The following BRWD1 variants were observed in gnomAD, a reference collection of about 807,000 sequenced individuals.
BRWD1 encodes the protein bromodomain and WD repeat domain containing 1.
A neutral mutation model predicts 251.2 loss-of-function variants in BRWD1; 82 were observed. That is an observed-to-expected ratio of 0.33 (90% CI 0.27 to 0.39). The LOEUF is 0.39. Ranked by LOEUF, BRWD1 falls within the 10% of genes least tolerant of loss-of-function variation. The pLI, the probability that BRWD1 is intolerant of heterozygous loss-of-function variation, is 1.00. For missense variants in BRWD1, 2,233 were observed against 2,711.6 expected (o/e 0.82, Z 3.92); for synonymous variants, 918 against 902.8 (o/e 1.02, Z -0.30).
At position 39,262,559 on chromosome 21, in the gene BRWD1, A is replaced by G. The variant is rs575434530; in HGVS notation, c.1885+1901T>C. On this transcript the variant is annotated intron_variant, in intron 17 of 40. Transcript: ENST00000342449. ...GTGAAACCCCATCTCTCCTAAAAAT[A>G]CAAAAATTAGCTGGGTGTGGTGGCA... 2.6e-5 allele frequency among the ~76,000 whole-genome samples: 4 copies of G among 152,280 alleles called. No homozygotes were observed. In the South Asian group the frequency reaches 8.3e-4, roughly 32 times the overall value.
intron 10 of BRWD1, 151 bp from the exon 11 acceptor site, chr21:39,277,502 G>T: frequency 2.0e-6 from 1 of 490,588 alleles, no homozygotes; most frequent in Non-Finnish European, 3.4e-6. Context: ...CTATATAGAG[G>T]TTATAAAGCT....
chr21:39,200,458 C>A, intron 38 of BRWD1, 72 bp from the exon 39 acceptor site: 1 of 1,297,552 alleles, frequency 7.7e-7, no homozygotes, highest in East Asian at 2.4e-5. Flanking sequence ...CAGTTCATAA[C>A]ATTACTCTGA....
chr21:39,190,564 A>G lies in BRWD1; in HGVS notation c.*5695T>C. On this transcript the variant is annotated 3_prime_UTR_variant, in exon 41 of 41. Transcript: ENST00000342449. ...CCCTCAAGCAAGCCTTTTATCAGAA[A>G]AGACTTGAGATATTCTCTCCTCTGT... is the stretch of plus-strand genomic sequence containing the variant. 1.0e-6 allele frequency: 1 copy of G among 985,406 alleles called. No individual in the cohort carries two copies. Among genetic ancestry groups the G allele is most frequent in the Non-Finnish European group, 1.2e-6 (1 of 829,928 alleles). The allele number at this position is 985,406 out of a possible 1,614,324, so 61.0% of individuals were successfully genotyped here.
intron 21 of BRWD1, among the ~76,000 whole-genome samples, chr21:39,245,829 A>T (rs1474408175): frequency 5.3e-5 from 8 of 152,026 alleles, no homozygotes; most frequent in Non-Finnish European, 7.4e-5. Flanking sequence ...TGAAGTCCTG[A>T]CCTCAGGAGT....
In BRWD1 at chr21:39,190,597, T is replaced by A. The variant is rs771310398; in HGVS notation, c.*5662A>T. 1.2e-4 allele frequency: 123 copies of A among 985,252 alleles called. No homozygotes were observed. The highest frequency in any genetic ancestry group is 1.5e-4 in the Non-Finnish European group (121 of 829,914). 61.0% of individuals were successfully genotyped at this position (985,252 alleles called of 1,614,324 possible). On this transcript the variant is annotated 3_prime_UTR_variant, in exon 41 of 41. Coordinates refer to ENST00000342449, the MANE Select transcript of BRWD1 (RefSeq NM_033656.4). ...AGATATTCTCTCCTCTGTCTGCCCT[T>A]CATTGATAAGCAATGAAATGACCCC...
At chr21:39,276,067 T>C (rs1264881959) in intron 12 of BRWD1, 106 bp downstream of exon 12, 10 of 954,274 alleles carry the variant, frequency 1.0e-5, no homozygotes, top group African/African-American at 3.5e-5. Flanking sequence ...ATCATAATAA[T>C]ATAAAGGGAA....
upstream of BRWD1, chr21:39,313,808 A>G (rs572756910): frequency 1.4e-5 from 5 of 359,420 alleles, no homozygotes; most frequent in African/African-American, 4.5e-5. Context: ...AGTGACGCGG[A>G]GGCAAAGACC....
intron 4 of BRWD1, among the ~76,000 whole-genome samples, chr21:39,309,372 T>G (rs2036392909): frequency 1.3e-5 from 2 of 148,346 alleles, no homozygotes; most frequent in South Asian, 4.3e-4. Context: ...GTGGGAAGAT[T>G]GCTTGAGCCT....
chr21:39,248,520 C>G (rs1311165292), intron 20 of BRWD1, among the ~76,000 whole-genome samples: 1 of 151,684 alleles, frequency 6.6e-6, no homozygotes, highest in Non-Finnish European at 1.5e-5. Flanking sequence ...CAGCTACAGT[C>G]CCAGCTACTA....
Position 39,264,880 on chromosome 21 carries a change from T to C in BRWD1, c.1659+11A>G, listed in dbSNP as rs761896650. 6.8e-6 allele frequency: 11 copies of C among 1,609,256 alleles called. No individual in the cohort carries two copies. Among genetic ancestry groups the C allele is most frequent in the Middle Eastern group, 1.6e-4 (1 of 6,074 alleles). ...ATTACTTGCATGCTACAACAAAGTA[T>C]TAAAAATGACCTTTTCATATGGTTT... On this transcript the variant is annotated intron_variant, in intron 16 of 40. Coordinates refer to ENST00000342449, the MANE Select transcript of BRWD1 (RefSeq NM_033656.4).
Position 39,194,856 on chromosome 21 carries a change from G to A in BRWD1, c.*1403C>T, listed in dbSNP as rs139099576. On this transcript the variant is annotated 3_prime_UTR_variant, in exon 41 of 41. Coordinates refer to ENST00000342449, the MANE Select transcript of BRWD1 (RefSeq NM_033656.4). The stretch of plus-strand genomic sequence containing the variant: ...CTTCAAAGATACACAGGAGAAAAGG[G>A]TTAATTTTGTCTGAAATCAAACACA... 3.6e-4 allele frequency: 559 copies of A among 1,532,698 alleles called. 2 individuals carry two copies. In the East Asian group the frequency reaches 0.012, roughly 33 times the overall value. The allele number at this position is 1,532,698 out of a possible 1,614,324, so 94.9% of individuals were successfully genotyped here.
chr21:39,254,234 CA>C (rs1321986892), intron 19 of BRWD1, among the ~76,000 whole-genome samples: 1 of 152,166 alleles, frequency 6.6e-6, no homozygotes, highest in Non-Finnish European at 1.5e-5. Flanking sequence ...CATTGCACTC[CA>C]GCCTGGACGA....
chr21:39,249,760 G>T (rs186945694), intron 20 of BRWD1, among the ~76,000 whole-genome samples: 1 of 152,220 alleles, frequency 6.6e-6, no homozygotes, highest in Non-Finnish European at 1.5e-5. Context: ...TGAGTTTCAC[G>T]AGTGATAATA....
chr21:39,235,576 T>C, intron 23 of BRWD1: 1 of 214,914 alleles, frequency 4.7e-6, no homozygotes, highest in Non-Finnish European at 1.1e-5. Flanking sequence ...TCTGTGAATG[T>C]TTCTTCTAAA....
In BRWD1 at chr21:39,293,872, A is replaced by G. The variant is rs1484823153; in HGVS notation, c.770T>C (p.Leu257Ser). ...CACAGCAACTGGGGCACAAGTTCTCAAGCACCACACTCTAATAATTTTATC... is the reference window on the plus strand; with the variant it reads ...CACAGCAACTGGGGCACAAGTTCTCGAGCACCACACTCTAATAATTTTATC... ...SCDKIIRVWC[L>S]RTCAPVAVLQ... is the part of the protein sequence containing the mutation. Residue 257 changes from leucine (L) to serine (S), a missense_variant, in exon 8 of 41, where the codon TTG (leucine) becomes TCG (serine). Transcript: ENST00000342449. 1 of 1,614,072 alleles carries G rather than the reference A, an allele frequency of 6.2e-7. No individual in the cohort carries two copies. Among genetic ancestry groups the G allele is most frequent in the African/African-American group, 1.3e-5 (1 of 74,928 alleles).
intron 27 of BRWD1, among the ~76,000 whole-genome samples, chr21:39,227,371 C>A (rs2033425044): frequency 0.014 from 1 of 70 alleles, no homozygotes; most frequent in Non-Finnish European, 0.056. Context: ...TATTTGTACA[C>A]CTGTGAAAAC....
At chr21:39,314,355 G>A (rs1376168383), upstream of BRWD1, 1 of 455,654 alleles carries the variant, frequency 2.2e-6, no homozygotes, top group Admixed American at 2.4e-5. Flanking sequence ...TCGCCGAGGG[G>A]GTGCGAGTCG....
intron 21 of BRWD1, among the ~76,000 whole-genome samples, chr21:39,242,606 T>C (rs867657178): frequency 6.6e-6 from 1 of 152,166 alleles, no homozygotes; most frequent in Admixed American, 6.5e-5. Flanking sequence ...TAGCCTTCTA[T>C]TGGAAGAGGA....
At position 39,188,351 on chromosome 21, in the gene BRWD1, G is replaced by GC. The variant is rs1297838858; in HGVS notation, c.*7907_*7908insG. On this transcript the variant is annotated 3_prime_UTR_variant, in exon 41 of 41. Coordinates refer to ENST00000342449, the MANE Select transcript of BRWD1 (RefSeq NM_033656.4). Reference sequence around the variant, plus strand: ...TTTCCAGACATTTAGCATTCAAAAGGTAAGGCTGTAGATCACTGAAATAAC... The same window carrying GC: ...TTTCCAGACATTTAGCATTCAAAAGGCTAAGGCTGTAGATCACTGAAATAAC... 1 of 985,206 alleles carries GC rather than the reference G, an allele frequency of 1.0e-6. No individual in the cohort carries two copies. The highest frequency in any genetic ancestry group is 1.7e-5 in the African/African-American group (1 of 57,178). 61.0% of individuals were successfully genotyped at this position (985,206 alleles called of 1,614,324 possible).
Sources: gnomAD v4.1 joint callset for allele counts (sites outside exome capture counted in the v4.1 genomes callset) on GRCh38, gnomAD v4.1.1 for gene constraint, MANE v1.5 for transcripts, NCBI Gene and HGNC (gene_info 2026-07-23, HGNC 2026-07-21) for gene names.